PTCH1: variants seen among roughly 807,000 people sequenced by gnomAD.
PTCH1 encodes the protein patched 1.
In PTCH1, 14 loss-of-function variants were observed where a neutral mutation model predicts 144.6. The ratio of observed to expected loss-of-function variants is 0.10; its 90% confidence interval spans 0.06 to 0.15. The LOEUF is 0.15. Ranked by LOEUF, PTCH1 falls within the 10% of genes least tolerant of loss-of-function variation. PTCH1 has a pLI of 1.00. For missense variants in PTCH1, 1,623 were observed against 1,948.3 expected (o/e 0.83, Z 3.14); for synonymous variants, 833 against 793.6 (o/e 1.05, Z -0.83).
At chr9:95,492,699 T>G (rs1473543384) in intron 2 of PTCH1, among the ~76,000 whole-genome samples, 3 of 151,858 alleles carry the variant, frequency 2.0e-5, no homozygotes, top group Admixed American at 2.0e-4. Context: ...TAAGGGATAC[T>G]CAACCTGTAT....
chr9:95,456,450 G>A (rs759797056), intron 18 of PTCH1, 37 bp from the exon 19 acceptor site: 14 of 1,609,852 alleles, frequency 8.7e-6, no homozygotes, highest in Non-Finnish European at 1.2e-5. Flanking sequence ...GGGCGGGCAG[G>A]TCACCCTCTG....
chr9:95,474,919 G>A (rs928978736), intron 12 of PTCH1, among the ~76,000 whole-genome samples: 22 of 152,076 alleles, frequency 1.4e-4, no homozygotes, highest in African/African-American at 5.1e-4. Flanking sequence ...TGACACAGAA[G>A]TCATTTCCTT....
chr9:95,469,858 T>C lies in PTCH1; in HGVS notation c.1802A>G (p.Tyr601Cys), dbSNP rs2118092432. The C allele has an allele frequency of 6.2e-7, 1 of 1,614,152 alleles. No individual in the cohort carries two copies. Among genetic ancestry groups the C allele is most frequent in the Non-Finnish European group, 8.5e-7 (1 of 1,180,026 alleles). ...ATCCAGTCTCCTGTCCTCGCGTCGA[T>C]ATAAATCCATGCTGAGAATTGCAGG... ...IFPAILSMDL[Y>C]RREDRRLDIF... The change falls in exon 13 of 24, where the codon TAT becomes TGT. Residue 601 changes from tyrosine (Y) to cysteine (C), a missense_variant. Around this residue, in one of 7 missense-constraint regions of PTCH1, gnomAD observed 135 missense variants for 228.7 expected, o/e 0.59. Transcript: ENST00000331920.
At chr9:95,491,052 C>A (rs1842370872) in intron 2 of PTCH1, among the ~76,000 whole-genome samples, 1 of 152,178 alleles carries the variant, frequency 6.6e-6, no homozygotes, top group South Asian at 2.1e-4. Context: ...GCATCTTCAT[C>A]ATATTCTGAA....
intron 14 of PTCH1, among the ~76,000 whole-genome samples, chr9:95,467,951 G>A (rs1397748876): frequency 2.0e-5 from 3 of 151,984 alleles, no homozygotes; most frequent in Non-Finnish European, 2.9e-5. Context: ...CTGTCTCCCA[G>A]GATGGAGTGC....
At position 95,449,678 on chromosome 9, in the gene PTCH1, C is replaced by A; in HGVS notation, c.3549+163G>T. ...ACCAAACCGAACCCGCCCTCTAGCC[C>A]TCAAAGCCAGTACACCGAAGAGGAA... On this transcript the variant is annotated intron_variant, in intron 21 of 23. Transcript: ENST00000331920. This position sits in a 1 kb window ranked among gnomAD's most constrained non-coding sequence, Gnocchi z 5.3. 1 of 799,406 alleles carries A rather than the reference C, an allele frequency of 1.3e-6. No individual in the cohort carries two copies. Among genetic ancestry groups the A allele is most frequent in the Non-Finnish European group, 2.1e-6 (1 of 477,270 alleles). 49.5% of individuals were successfully genotyped at this position (799,406 alleles called of 1,614,324 possible).
rs2136580628 is a variant in PTCH1, at chr9:95,447,294, T to C, written c.3962A>G (p.Asp1321Gly). The C allele has an allele frequency of 6.2e-7, 1 of 1,612,662 alleles. No homozygotes were observed. Among genetic ancestry groups the C allele is most frequent in the Non-Finnish European group, 8.5e-7 (1 of 1,179,828 alleles). Residue 1321 changes from aspartate (D) to glycine (G), a missense_variant, in exon 23 of 24, where the codon GAC becomes GGC. Around this residue, in one of 7 missense-constraint regions of PTCH1, gnomAD observed 291 missense variants for 287.4 expected, o/e 1.01. Transcript: ENST00000331920. ...CCCTTCAGTAGAAATTTCAAAAGCG[T>C]CTCTGCGCGGTCTGTAGGGGGGTGG... ...LWPPPYRPRR[D>G]AFEISTEGHS...
In PTCH1 at chr9:95,508,625, C is replaced by T; in HGVS notation, c.-264G>A. 2.0e-6 allele frequency: 2 copies of T among 991,194 alleles called. No homozygotes were observed. Among genetic ancestry groups the T allele is most frequent in the Non-Finnish European group, 1.2e-6 (1 of 834,202 alleles). The allele number at this position is 991,194 out of a possible 1,614,324, so 61.4% of individuals were successfully genotyped here. ...CCATTGCCACATTGCGCGGGGGTCC[C>T]GAGGTCTCTGCGGCCGCCGCTGCCC... On this transcript the variant is annotated 5_prime_UTR_variant, in exon 1 of 24. Transcript: ENST00000331920.
At chr9:95,469,219 A>T (rs1172526811) in intron 13 of PTCH1, 66 bp from the exon 14 acceptor site, 4 of 1,596,730 alleles carry the variant, frequency 2.5e-6, no homozygotes, top group Non-Finnish European at 3.4e-6. Flanking sequence ...TCATTCTGCC[A>T]TTTTTCACTG....
In PTCH1 at chr9:95,467,084, C is replaced by T. The variant is rs2066837; in HGVS notation, c.2560+32G>A. ...TGTTGAAGCTGAACACGCAAAAGAC[C>T]GAAAGGACGAGAGCCTCCCACGCCG... is the stretch of plus-strand genomic sequence containing the variant. On this transcript the variant is annotated intron_variant, in intron 15 of 23. Transcript: ENST00000331920. 1,278 of 1,608,720 alleles carry T rather than the reference C, an allele frequency of 7.9e-4. 9 individuals carry two copies. In the African/African-American group the frequency reaches 0.015, roughly 19 times the overall value.
Position 95,449,506 on chromosome 9 carries a change from G to A in PTCH1, c.3550-183C>T. ...ACCTTCAGGTCCCGCAGCTGGAGCA[G>A]AAGAACTGTCCTCTGCTCCACACTG... On this transcript the variant is annotated intron_variant, in intron 21 of 23. Transcript: ENST00000331920. The surrounding 1 kb of genome is among the most constrained non-coding windows in gnomAD (Gnocchi z 5.3). The A allele has an allele frequency of 1.2e-6, 1 of 819,862 alleles. No individual in the cohort carries two copies. Among genetic ancestry groups the A allele is most frequent in the East Asian group, 2.7e-5 (1 of 37,570 alleles). 50.8% of individuals were successfully genotyped at this position (819,862 alleles called of 1,614,324 possible).
At chr9:95,462,409 G>T (rs1022568180) in intron 15 of PTCH1, among the ~76,000 whole-genome samples, 1 of 152,120 alleles carries the variant, frequency 6.6e-6, no homozygotes, top group Admixed American at 6.5e-5. Context: ...CCACACAGAG[G>T]GGAAAAAGCA....
chr9:95,462,624 A>G (rs1444208798), intron 15 of PTCH1, among the ~76,000 whole-genome samples: 1 of 152,156 alleles, frequency 6.6e-6, no homozygotes, highest in Non-Finnish European at 1.5e-5. Flanking sequence ...CTTCCTCAGG[A>G]GAGGGGGTGG....
At chr9:95,511,596 G>A (rs556588780), upstream of PTCH1, among the ~76,000 whole-genome samples, 103 of 152,330 alleles carry the variant, frequency 6.8e-4, no homozygotes, top group African/African-American at 2.3e-3. Flanking sequence ...GAAGGGCTGC[G>A]GAAACTCGGA....
At chr9:95,485,637 C>CA (rs745447002) in intron 3 of PTCH1, 48 bp downstream of exon 3, 1 of 1,610,560 alleles carries the variant, frequency 6.2e-7, no homozygotes, top group South Asian at 1.1e-5. Flanking sequence ...AGCCTTCTCC[C>CA]ACCGCCTTAC....
In PTCH1 at chr9:95,449,550, T is replaced by G. The variant is rs920278797; in HGVS notation, c.3550-227A>C. On this transcript the variant is annotated intron_variant, in intron 21 of 23. Coordinates refer to ENST00000331920, the MANE Select transcript of PTCH1 (RefSeq NM_000264.5). This position sits in a 1 kb window ranked among gnomAD's most constrained non-coding sequence, Gnocchi z 5.3. ...CACACTGGAAAGGCAGGATGTGTACTTTTTACTCTTGTGAAGTCCAATTAT... is the reference window on the plus strand; with the variant it reads ...CACACTGGAAAGGCAGGATGTGTACGTTTTACTCTTGTGAAGTCCAATTAT... 7.6e-6 allele frequency: 5 copies of G among 660,182 alleles called. No homozygotes were observed. In the African/African-American group the frequency reaches 9.1e-5, roughly 12 times the overall value. 40.9% of individuals were successfully genotyped at this position (660,182 alleles called of 1,614,324 possible). A position where few individuals can be genotyped will look rare whatever the true frequency, so the allele number is the denominator to read the frequency against.
At chr9:95,468,617 C>A in intron 14 of PTCH1, 134 bp downstream of exon 14, 1 of 1,225,696 alleles carries the variant, frequency 8.2e-7, no homozygotes. Flanking sequence ...TTTTGGAGGA[C>A]TGAAATGTAT....
chr9:95,453,072 C>T (rs1231741699), intron 20 of PTCH1: 1 of 324,090 alleles, frequency 3.1e-6, no homozygotes, highest in Admixed American at 4.4e-5. Context: ...GTCACGATGA[C>T]GAGGTGCTGC....
rs1221112649 is a variant in PTCH1, at chr9:95,447,462, T to A, written c.3805-11A>T. On this transcript the variant is annotated splice_polypyrimidine_tract_variant and intron_variant, in intron 22 of 23. Coordinates refer to ENST00000331920, the MANE Select transcript of PTCH1 (RefSeq NM_000264.5). The stretch of plus-strand genomic sequence containing the variant: ...TTCGGGATGGACCACCTGCAGAGGG[T>A]GAGGGTGGGTTAGAAGGGTGGTATC... 1.3e-6 allele frequency: 2 copies of A among 1,558,996 alleles called. No homozygotes were observed. Among genetic ancestry groups the A allele is most frequent in the South Asian group, 2.4e-5 (2 of 82,880 alleles).
Sources: allele counts gnomAD v4.1 joint callset (sites outside exome capture counted in the v4.1 genomes callset), GRCh38; gene constraint gnomAD v4.1.1; regional missense constraint gnomAD v4.1.1; non-coding constraint Gnocchi (gnomAD v3.1); transcripts MANE v1.5; gene names NCBI Gene and HGNC (gene_info 2026-07-23, HGNC 2026-07-21).